Variants in RC3H1 observed in about 807,000 individuals in gnomAD.
RC3H1 encodes the protein ring finger and CCCH-type domains 1.
Under a neutral mutation model 138.2 loss-of-function variants are expected in RC3H1, and 50 were observed. The ratio of observed to expected loss-of-function variants is 0.36; its 90% CI spans 0.29 to 0.46. The LOEUF is 0.46. Among genes scored for constraint, RC3H1 ranks in the 20% least tolerant of loss-of-function variants. The pLI, the probability that RC3H1 is intolerant of heterozygous loss-of-function variation, is 1.00. For missense variants in RC3H1, 1,031 were observed against 1,388.1 expected, an observed-to-expected ratio of 0.74 and a Z score of 4.09; for synonymous variants, 462 against 489.1, an observed-to-expected ratio of 0.94 and a Z score of 0.73.
intron 1 of RC3H1, chr1:174,009,124 T>C (rs1006490580): frequency 2.0e-5 from 3 of 152,170 alleles, no homozygotes; most frequent in Non-Finnish European, 2.9e-5. Flanking sequence ...AGGGATTAAA[T>C]TCACGCTTAG....
At chr1:174,001,591 C>T (rs936286634) in intron 1 of RC3H1, among the ~76,000 whole-genome samples, 1 of 152,076 alleles carries the variant, frequency 6.6e-6, no homozygotes, top group African/African-American at 2.4e-5. Context: ...TGTGCAACAC[C>T]ATGCCTGGCT....
At chr1:173,943,414 C>T in intron 18 of RC3H1, 28 bp downstream of exon 18, 1 of 1,580,596 alleles carries the variant, frequency 6.3e-7, no homozygotes. Flanking sequence ...ATTTCACCTT[C>T]CCTCTCTTTC....
At chr1:174,002,349 A>G (rs1408716221) in intron 1 of RC3H1, among the ~76,000 whole-genome samples, 3 of 152,238 alleles carry the variant, frequency 2.0e-5, no homozygotes, top group Non-Finnish European at 4.4e-5. Context: ...AATAATCACA[A>G]TGGAAAGAAA....
At chr1:174,017,743 C>T (rs1396680079) in intron 1 of RC3H1, among the ~76,000 whole-genome samples, 1 of 115,898 alleles carries the variant, frequency 8.6e-6, no homozygotes, top group Non-Finnish European at 1.7e-5. Context: ...TTATGTTAAT[C>T]TGTAGATAAA....
intron 13 of RC3H1, among the ~76,000 whole-genome samples, chr1:173,955,263 TACAACAACAACAACA>T (rs72151707): frequency 1.5e-5 from 2 of 131,772 alleles, no homozygotes; most frequent in East Asian, 2.3e-4. Context: ...ACAATCTTCA[TACAACAACAACAACA>T]ACAACAACAA....
chr1:173,973,816 A>G lies in RC3H1; in HGVS notation c.1103-1189T>C, dbSNP rs945538816. On this transcript the variant is annotated intron_variant, in intron 7 of 19. Coordinates refer to ENST00000367696, the MANE Select transcript of RC3H1 (RefSeq NM_172071.4). ...GGAATCTGAAAAGGAAAAAAGGTGA[A>G]GAAAACAAGTATTCAAAAAAGTAGT... is the stretch of plus-strand genomic sequence containing the variant. Among the ~76,000 whole-genome samples, 9 of 152,354 alleles carry G rather than the reference A, an allele frequency of 5.9e-5. No individual in the cohort carries two copies. The South Asian group carries it at 1.4e-3, about 25-fold the overall frequency.
intron 1 of RC3H1, among the ~76,000 whole-genome samples, chr1:174,001,252 G>A (rs1661560370): frequency 6.6e-6 from 1 of 152,210 alleles, no homozygotes; most frequent in South Asian, 2.1e-4. Flanking sequence ...CATTCATGGA[G>A]AAGCCGCCTG....
chr1:173,989,964 G>A (rs1661203721), intron 2 of RC3H1, among the ~76,000 whole-genome samples: 1 of 149,754 alleles, frequency 6.7e-6, no homozygotes, highest in Non-Finnish European at 1.5e-5. Flanking sequence ...CTGACCTCGT[G>A]ATCCACCCGC....
Position 173,972,472 on chromosome 1 carries a change from C to G in RC3H1, c.1221+37G>C, listed in dbSNP as rs1660400106. On this transcript the variant is annotated intron_variant, in intron 8 of 19. Transcript: ENST00000367696. Reference sequence around the variant, plus strand: ...TACCTATAGTTTTAAGGCATATCCACAGTGGGTTAACTCTAAGTTTTAAAC... The same window carrying G: ...TACCTATAGTTTTAAGGCATATCCAGAGTGGGTTAACTCTAAGTTTTAAAC... 5 of 1,438,718 alleles carry G rather than the reference C, an allele frequency of 3.5e-6. No homozygotes were observed. The African/African-American group carries it at 7.0e-5, about 20-fold the overall frequency. 89.1% of individuals were successfully genotyped at this position (1,438,718 alleles called of 1,614,324 possible). A position where few individuals can be genotyped will look rare whatever the true frequency, so the allele number is the denominator to read the frequency against.
intron 1 of RC3H1, among the ~76,000 whole-genome samples, chr1:174,014,571 T>C (rs1283209978): frequency 6.6e-6 from 1 of 152,238 alleles, no homozygotes; most frequent in East Asian, 1.9e-4. Context: ...ATGTAGCTTC[T>C]ATATTAACAT....
rs1174587324 is a variant in RC3H1, at chr1:173,974,484, C to A, written c.1103-1857G>T. ...GTTTCCATACAACACACCACAAAAA[C>A]TACAAAAGGCCCTATAATCAAAGAA... On this transcript the variant is annotated intron_variant, in intron 7 of 19. Coordinates refer to ENST00000367696, the MANE Select transcript of RC3H1 (RefSeq NM_172071.4). Among the ~76,000 whole-genome samples the A allele has an allele frequency of 2.0e-5, 3 of 152,014 alleles. No homozygotes were observed. In the East Asian group the frequency reaches 5.8e-4, roughly 29 times the overall value.
At chr1:173,962,355 T>C (rs1659923546) in intron 11 of RC3H1, among the ~76,000 whole-genome samples, 1 of 152,224 alleles carries the variant, frequency 6.6e-6, no homozygotes, top group Non-Finnish European at 1.5e-5. Context: ...CTTTCTGGTG[T>C]GTCTTAATGC....
At chr1:173,942,336 G>A (rs553595082) in intron 18 of RC3H1, among the ~76,000 whole-genome samples, 3 of 149,408 alleles carry the variant, frequency 2.0e-5, no homozygotes, top group African/African-American at 7.5e-5. Context: ...GGGAGACTGA[G>A]GCAGGAGAAT....
intron 13 of RC3H1, among the ~76,000 whole-genome samples, chr1:173,957,973 T>C (rs745975124): frequency 1.3e-5 from 2 of 152,200 alleles, no homozygotes; most frequent in Non-Finnish European, 2.9e-5. Flanking sequence ...AAACTAGATA[T>C]TGTGAACAAC....
chr1:173,953,174 CCTA>C (rs776395732), intron 13 of RC3H1, among the ~76,000 whole-genome samples: 33 of 152,172 alleles, frequency 2.2e-4, no homozygotes, highest in South Asian at 4.2e-4. Context: ...TTTTCTTTGT[CCTA>C]CTACTATTTA....
At chr1:173,951,895 A>G in intron 14 of RC3H1, 91 bp downstream of exon 14, 1 of 1,254,102 alleles carries the variant, frequency 8.0e-7, no homozygotes, top group Non-Finnish European at 1.1e-6. Context: ...TCTTAAGCAA[A>G]GCTGAATTAT....
At chr1:173,978,736 T>G in intron 6 of RC3H1, 116 bp from the exon 7 acceptor site, 1 of 1,059,584 alleles carries the variant, frequency 9.4e-7, no homozygotes, top group Non-Finnish European at 1.3e-6. Context: ...TCTTCCCATA[T>G]ACCCTACACT....
At chr1:173,946,878 A>T in intron 15 of RC3H1, 42 bp from the exon 16 acceptor site, 2 of 1,335,896 alleles carry the variant, frequency 1.5e-6, no homozygotes, top group Non-Finnish European at 2.2e-6. Context: ...CACAGATTTG[A>T]TTCTTCTTTT....
chr1:174,001,170 A>G (rs1422905722), intron 1 of RC3H1, among the ~76,000 whole-genome samples: 1 of 152,202 alleles, frequency 6.6e-6, no homozygotes, highest in Non-Finnish European at 1.5e-5. Flanking sequence ...TTCAGCGTTC[A>G]GAGGCAAAAA....
Sources: allele counts gnomAD v4.1 joint callset (sites outside exome capture counted in the v4.1 genomes callset), GRCh38; gene constraint gnomAD v4.1.1; transcripts MANE v1.5; gene names NCBI Gene and HGNC (gene_info 2026-07-23, HGNC 2026-07-21).